The following WNK1 variants were observed in gnomAD, a reference collection of about 807,000 sequenced individuals.
WNK1 encodes serine/threonine-protein kinase WNK1.
Under a neutral mutation model 222.8 loss-of-function variants are expected in WNK1, and 38 were observed. The ratio of observed to expected loss-of-function variants is 0.17; its 90% confidence interval spans 0.13 to 0.22. The LOEUF is 0.22. Among genes scored for constraint, WNK1 ranks in the 10% least tolerant of loss-of-function variants. The pLI, the probability that WNK1 is intolerant of heterozygous loss-of-function variation, is 1.00. For missense variants in WNK1, 2,348 were observed against 2,918.4 expected, an observed-to-expected ratio of 0.80 and a Z score of 4.50; for synonymous variants, 1,090 against 1,092.9, an observed-to-expected ratio of 1.00 and a Z score of 0.05.
chr12:832,029 G>A (rs1459127232), intron 4 of WNK1, among the ~76,000 whole-genome samples: 1 of 151,376 alleles, frequency 6.6e-6, no homozygotes, highest in African/African-American at 2.4e-5. Context: ...TGCTTATTTA[G>A]ATTTTGATAG....
At chr12:795,170 A>G (rs1945188647) in intron 1 of WNK1, among the ~76,000 whole-genome samples, 1 of 152,098 alleles carries the variant, frequency 6.6e-6, no homozygotes, top group African/African-American at 2.4e-5. Context: ...ATTGATGTCA[A>G]TTATTTAAGT....
At chr12:890,038 C>T (rs1954065103) in intron 21 of WNK1, among the ~76,000 whole-genome samples, 1 of 147,362 alleles carries the variant, frequency 6.8e-6, no homozygotes, top group African/African-American at 2.5e-5. Flanking sequence ...CTGCAACCAT[C>T]ACCTCCCAGG....
At chr12:809,567 C>G (rs1946722427) in intron 1 of WNK1, among the ~76,000 whole-genome samples, 1 of 152,086 alleles carries the variant, frequency 6.6e-6, no homozygotes, top group Non-Finnish European at 1.5e-5. Context: ...CCATGTTAGT[C>G]TTTTTGCTAT....
intron 8 of WNK1, chr12:865,203 G>C: frequency 6.5e-7 from 1 of 1,535,610 alleles, no homozygotes; most frequent in Non-Finnish European, 8.7e-7. Context: ...CCACCCCACC[G>C]CCAGTACTGT....
chr12:846,891 A>G (rs1189778243), intron 4 of WNK1, among the ~76,000 whole-genome samples: 1 of 152,200 alleles, frequency 6.6e-6, no homozygotes, highest in East Asian at 1.9e-4. Context: ...TTTCTTTAGC[A>G]GCTAGAATTT....
At chr12:848,557 T>C (rs1191103633) in intron 4 of WNK1, among the ~76,000 whole-genome samples, 2 of 126,772 alleles carry the variant, frequency 1.6e-5, no homozygotes, top group Non-Finnish European at 3.2e-5. Context: ...AGAGTAAGAA[T>C]ACTAGTCACA....
chr12:807,624 A>G (rs1015973362), intron 1 of WNK1, among the ~76,000 whole-genome samples: 1 of 151,114 alleles, frequency 6.6e-6, no homozygotes, highest in Non-Finnish European at 1.5e-5. Context: ...TATTCAAAAA[A>G]CTTTGGGAAC....
chr12:854,070 T>C (rs1340428356), intron 4 of WNK1, among the ~76,000 whole-genome samples: 3 of 151,326 alleles, frequency 2.0e-5, no homozygotes, highest in Non-Finnish European at 4.4e-5. Context: ...TAAAATGCTA[T>C]CAAAATAATC....
At chr12:889,733 G>A (rs1006264365) in intron 21 of WNK1, among the ~76,000 whole-genome samples, 8 of 152,102 alleles carry the variant, frequency 5.3e-5, no homozygotes, top group Non-Finnish European at 8.8e-5. Flanking sequence ...CAGGACAATG[G>A]CGTAAAACCC....
At chr12:780,718 G>A (rs1369794432) in intron 1 of WNK1, among the ~76,000 whole-genome samples, 1 of 152,194 alleles carries the variant, frequency 6.6e-6, no homozygotes, top group African/African-American at 2.4e-5. Flanking sequence ...CTTATTTTGA[G>A]CGTTAGAGTG....
At chr12:789,774 A>G (rs1944668252) in intron 1 of WNK1, among the ~76,000 whole-genome samples, 1 of 152,148 alleles carries the variant, frequency 6.6e-6, no homozygotes, top group South Asian at 2.1e-4. Flanking sequence ...TGTCAGATTG[A>G]TTCAGTTATG....
chr12:840,137 T>C (rs1425612968), intron 4 of WNK1, among the ~76,000 whole-genome samples: 1 of 152,054 alleles, frequency 6.6e-6, no homozygotes, highest in East Asian at 1.9e-4. Context: ...GTTTTGTTTT[T>C]AATTTTTTGA....
chr12:907,823 C>T (rs748437099), intron 26 of WNK1, 24 bp from the exon 27 acceptor site: 2 of 1,612,600 alleles, frequency 1.2e-6, no homozygotes, highest in East Asian at 2.2e-5. Context: ...TCTTTTAATG[C>T]TCGTATTCTG....
chr12:859,993 G>C (rs1951084089), intron 6 of WNK1, among the ~76,000 whole-genome samples: 1 of 152,024 alleles, frequency 6.6e-6, no homozygotes, highest in Non-Finnish European at 1.5e-5. Flanking sequence ...TGGGAGTACA[G>C]GTGTGAGCCA....
chr12:877,777 G>A (rs541416666), intron 9 of WNK1, among the ~76,000 whole-genome samples: 2 of 152,216 alleles, frequency 1.3e-5, no homozygotes, highest in African/African-American at 4.8e-5. Context: ...TTATACAGTT[G>A]ATAAAATAGG....
At chr12:853,841 C>T (rs938218857) in intron 4 of WNK1, among the ~76,000 whole-genome samples, 2 of 152,030 alleles carry the variant, frequency 1.3e-5, no homozygotes, top group Admixed American at 6.5e-5. Context: ...GCCTTTACCT[C>T]CCGGGCTGAA....
intron 4 of WNK1, among the ~76,000 whole-genome samples, chr12:835,815 A>G (rs189681646): frequency 9.1e-4 from 139 of 152,250 alleles, no homozygotes; most frequent in Middle Eastern, 3.4e-3. Context: ...TTAGCTGGGC[A>G]TGATGGCATG....
At chr12:795,142 T>G (rs945801998) in intron 1 of WNK1, among the ~76,000 whole-genome samples, 4 of 152,194 alleles carry the variant, frequency 2.6e-5, no homozygotes, top group African/African-American at 9.7e-5. Context: ...TTATATTTTT[T>G]GGAAGAATTT....
Position 910,452 on chromosome 12 carries a change from G to GT in WNK1, c.*1661dup, listed in dbSNP as rs1956003308. ...CATTTTCAAATAAATAATACTCCCC[G>GT]TAAGTAATAACTGCAACCAATCAGT... On this transcript the variant is annotated 3_prime_UTR_variant, in exon 28 of 28. Transcript: ENST00000315939. The GT allele has an allele frequency of 6.6e-6, 1 of 151,954 alleles. No individual in the cohort carries two copies. The highest frequency in any genetic ancestry group is 1.5e-5 in the Non-Finnish European group (1 of 68,014). The allele number at this position is 151,954 out of a possible 1,614,324, so 9.4% of individuals were successfully genotyped here.
Sources: allele counts gnomAD v4.1 joint callset (sites outside exome capture counted in the v4.1 genomes callset), GRCh38; gene constraint gnomAD v4.1.1; transcripts MANE v1.5; gene names NCBI Gene and HGNC (gene_info 2026-07-23, HGNC 2026-07-21).